Variants in SNTG2 observed in about 807,000 individuals in gnomAD.
The protein encoded by SNTG2 is syntrophin gamma 2, also known as gamma-2-syntrophin.
Under a neutral mutation model 70.9 loss-of-function variants are expected in SNTG2, and 74 were observed. The observed-to-expected ratio is 1.04, with a 90% CI of 0.86 to 1.27. The LOEUF (loss-of-function observed/expected upper bound fraction) is 1.27, where lower values mean the gene tolerates loss of function less well. Ranked by LOEUF, SNTG2 falls within the 50% of genes most tolerant of loss-of-function variation. The pLI, the probability that SNTG2 is intolerant of heterozygous loss-of-function variation, is 0.00. For missense variants in SNTG2, 717 were observed against 690.7 expected (o/e 1.04, Z -0.43); for synonymous variants, 278 against 273.8 (o/e 1.02, Z -0.15).
At chr2:1,313,216 A>G (rs551708698) in intron 15 of SNTG2, among the ~76,000 whole-genome samples, 5 of 152,346 alleles carry the variant, frequency 3.3e-5, no homozygotes, top group African/African-American at 9.6e-5. Context: ...TAATAGGTAA[A>G]CATTAGCATG....
In SNTG2 at chr2:1,144,711, A is replaced by G. The variant is rs189715639; in HGVS notation, c.411+6902A>G. Among the ~76,000 whole-genome samples, 230 of 152,336 alleles carry G rather than the reference A, an allele frequency of 1.5e-3. 1 individual carries two copies. Among genetic ancestry groups the G allele is most frequent in the African/African-American group, 5.3e-3 (221 of 41,586 alleles). Reference sequence around the variant, plus strand: ...TCCCCTTATAAAACTGTCAGATCTCATGAGACTTATTCACTACCACAAGAA... The same window carrying G: ...TCCCCTTATAAAACTGTCAGATCTCGTGAGACTTATTCACTACCACAAGAA... On this transcript the variant is annotated intron_variant, in intron 6 of 16. Coordinates refer to ENST00000308624, the MANE Select transcript of SNTG2 (RefSeq NM_018968.4).
chr2:1,268,264 C>T (rs1678854282), intron 14 of SNTG2, among the ~76,000 whole-genome samples: 1 of 152,196 alleles, frequency 6.6e-6, no homozygotes, highest in Non-Finnish European at 1.5e-5. Context: ...GTCCAGGGCT[C>T]CCGCCTGGCT....
intron 8 of SNTG2, among the ~76,000 whole-genome samples, chr2:1,179,168 A>G (rs997286166): frequency 3.7e-4 from 57 of 152,134 alleles, no homozygotes; most frequent in African/African-American, 1.3e-3. Context: ...ATCATTTTTT[A>G]TTGCATCTAT....
intron 2 of SNTG2, among the ~76,000 whole-genome samples, chr2:1,089,341 A>T (rs1664872131): frequency 6.6e-6 from 1 of 152,236 alleles, no homozygotes; most frequent in South Asian, 2.1e-4. Context: ...GTTTGGCCGT[A>T]TTCATTATAA....
chr2:1,016,195 G>A (rs529612005), intron 1 of SNTG2, among the ~76,000 whole-genome samples: 6 of 152,082 alleles, frequency 3.9e-5, no homozygotes, highest in East Asian at 1.9e-4. Context: ...TATAACTGTT[G>A]TCAACAAGTA....
chr2:951,069 G>T lies in SNTG2; in HGVS notation c.72+1G>T, dbSNP rs988678716. 3 of 1,262,312 alleles carry T rather than the reference G, an allele frequency of 2.4e-6. 1 individual carries two copies. Among genetic ancestry groups the T allele is most frequent in the Non-Finnish European group, 3.0e-6 (3 of 1,007,096 alleles). 78.2% of individuals were successfully genotyped at this position (1,262,312 alleles called of 1,614,324 possible). A position where few individuals can be genotyped will look rare whatever the true frequency, so the allele number is the denominator to read the frequency against. ...GGGCTGCCTGCTGGTACCTGCGCGGGTGAGTGCGGCCCCTCAGCGCCCCTT... is the reference window on the plus strand; with the variant it reads ...GGGCTGCCTGCTGGTACCTGCGCGGTTGAGTGCGGCCCCTCAGCGCCCCTT... On this transcript the variant is annotated splice_donor_variant, in intron 1 of 16. Transcript: ENST00000308624. LOFTEE classifies it high-confidence loss of function.
chr2:973,041 A>G (rs1285683576), intron 1 of SNTG2, among the ~76,000 whole-genome samples: 1 of 152,216 alleles, frequency 6.6e-6, no homozygotes, highest in East Asian at 1.9e-4. Context: ...TCTAGTTAGC[A>G]TATGTTTTGC....
intron 7 of SNTG2, among the ~76,000 whole-genome samples, chr2:1,171,003 G>A (rs553040798): frequency 1.1e-4 from 16 of 152,160 alleles, no homozygotes; most frequent in African/African-American, 3.4e-4. Context: ...GTTTTGATAG[G>A]TTAGGGTTAA....
chr2:1,066,809 C>G (rs35192112), intron 1 of SNTG2, among the ~76,000 whole-genome samples: 2 of 151,926 alleles, frequency 1.3e-5, no homozygotes, highest in Non-Finnish European at 2.9e-5. Context: ...GACCGTAGAA[C>G]GGTCGTCTTT....
At chr2:1,135,177 C>G (rs1263647973) in intron 4 of SNTG2, among the ~76,000 whole-genome samples, 2 of 152,172 alleles carry the variant, frequency 1.3e-5, no homozygotes, top group Non-Finnish European at 2.9e-5. Flanking sequence ...CAAGAAATGG[C>G]AGCTCCATTC....
intron 1 of SNTG2, among the ~76,000 whole-genome samples, chr2:964,862 T>C (rs1271718400): frequency 2.0e-5 from 3 of 152,104 alleles, no homozygotes; most frequent in Non-Finnish European, 2.9e-5. Context: ...TCCTCTTGGG[T>C]GGGGTTTCTC....
At chr2:1,195,963 G>A (rs28540563) in intron 8 of SNTG2, among the ~76,000 whole-genome samples, 2 of 151,872 alleles carry the variant, frequency 1.3e-5, no homozygotes, top group Admixed American at 1.3e-4. Context: ...AGCATACCAT[G>A]AAGAAGTTAA....
intron 2 of SNTG2, among the ~76,000 whole-genome samples, chr2:1,089,746 A>C: frequency 6.6e-6 from 1 of 152,264 alleles, no homozygotes; most frequent in East Asian, 1.9e-4. Context: ...ACTTTCAATA[A>C]CTAAAATCTA....
At chr2:1,152,554 GTTTC>G (rs1363434823) in intron 6 of SNTG2, among the ~76,000 whole-genome samples, 20 of 133,052 alleles carry the variant, frequency 1.5e-4, no homozygotes, top group African/African-American at 5.0e-4. Flanking sequence ...ACACACGTAT[GTTTC>G]TAGGTGTGCA....
intron 1 of SNTG2, among the ~76,000 whole-genome samples, chr2:997,140 TAAAC>T (rs982668566): frequency 3.9e-5 from 6 of 152,178 alleles, no homozygotes; most frequent in African/African-American, 1.4e-4. Flanking sequence ...AGTTCACAAA[TAAAC>T]AGAATAATTT....
chr2:1,099,528 T>C (rs551058294), intron 4 of SNTG2, among the ~76,000 whole-genome samples: 4 of 132,396 alleles, frequency 3.0e-5, no homozygotes, highest in African/African-American at 1.1e-4. Context: ...TAGAGTGCCC[T>C]GAAGAGGCTG....
intron 8 of SNTG2, among the ~76,000 whole-genome samples, chr2:1,182,519 G>T (rs530979726): frequency 6.6e-6 from 1 of 152,190 alleles, no homozygotes; most frequent in East Asian, 1.9e-4. Flanking sequence ...AAAAGAAAAG[G>T]CAGCTATAAT....
At chr2:1,324,797 C>T (rs1681694219) in intron 16 of SNTG2, among the ~76,000 whole-genome samples, 1 of 152,208 alleles carries the variant, frequency 6.6e-6, no homozygotes, top group Non-Finnish European at 1.5e-5. Flanking sequence ...TGGGTTCCTT[C>T]TACGTTGGTT....
chr2:1,155,152 T>TAC (rs531802863), intron 6 of SNTG2, among the ~76,000 whole-genome samples: 3 of 110,886 alleles, frequency 2.7e-5, no homozygotes, highest in East Asian at 3.1e-4. Context: ...ACACACTCCA[T>TAC]ACACACACAC....
Sources: gnomAD v4.1 joint callset for allele counts (sites outside exome capture counted in the v4.1 genomes callset) on GRCh38, gnomAD v4.1.1 for gene constraint, MANE v1.5 for transcripts, NCBI Gene and HGNC (gene_info 2026-07-23, HGNC 2026-07-21) for gene names.